Variants in GRID2 observed in about 807,000 individuals in gnomAD.
The protein encoded by GRID2 is glutamate receptor ionotropic, delta-2.
A neutral mutation model predicts 114.8 loss-of-function variants in GRID2; 33 were observed. The observed-to-expected ratio is 0.29, with a 90% CI of 0.22 to 0.38. GRID2 has a LOEUF of 0.38. Among genes scored for constraint, GRID2 ranks in the 10% least tolerant of loss-of-function variants. GRID2 has a pLI of 1.00. For missense variants in GRID2, 1,184 were observed against 1,257.7 expected, an observed-to-expected ratio of 0.94 and a Z score of 0.89; for synonymous variants, 505 against 449.9, an observed-to-expected ratio of 1.12 and a Z score of -1.55.
At chr4:93,683,517 A>G (rs1467358706) in intron 14 of GRID2, among the ~76,000 whole-genome samples, 3 of 152,074 alleles carry the variant, frequency 2.0e-5, no homozygotes, top group African/African-American at 2.4e-5. Flanking sequence ...GTGTTCTGGT[A>G]TTTGCTTAAG....
At chr4:92,541,161 G>C (rs183219664) in intron 1 of GRID2, among the ~76,000 whole-genome samples, 112 of 152,104 alleles carry the variant, frequency 7.4e-4, no homozygotes, top group African/African-American at 2.6e-3. Context: ...GGAGAGGGGG[G>C]AGGGATAGCA....
At chr4:92,592,919 T>G (rs893886981) in intron 2 of GRID2, among the ~76,000 whole-genome samples, 6 of 152,032 alleles carry the variant, frequency 3.9e-5, no homozygotes, top group Non-Finnish European at 7.4e-5. Context: ...TTCTTCAATG[T>G]TTTGAGGAAG....
chr4:92,361,289 A>C (rs544631510), intron 1 of GRID2, among the ~76,000 whole-genome samples: 1 of 152,116 alleles, frequency 6.6e-6, no homozygotes, highest in East Asian at 1.9e-4. Context: ...TTCCTACTAA[A>C]CTCTAAATGG....
chr4:92,872,799 T>G (rs1745367126), intron 2 of GRID2, among the ~76,000 whole-genome samples: 1 of 152,230 alleles, frequency 6.6e-6, no homozygotes, highest in Non-Finnish European at 1.5e-5. Flanking sequence ...GGAAAGAATG[T>G]GTAGGACAAT....
intron 1 of GRID2, among the ~76,000 whole-genome samples, chr4:92,409,057 G>A (rs887267615): frequency 1.3e-5 from 2 of 152,060 alleles, no homozygotes; most frequent in African/African-American, 4.8e-5. Context: ...CAGTTCTCAA[G>A]GGGAATGCCT....
At chr4:93,553,165 G>A (rs573783000) in intron 13 of GRID2, among the ~76,000 whole-genome samples, 4 of 152,272 alleles carry the variant, frequency 2.6e-5, no homozygotes, top group Non-Finnish European at 5.9e-5. Context: ...GGATTCCTGA[G>A]TCAAGTGGTA....
intron 13 of GRID2, among the ~76,000 whole-genome samples, chr4:93,591,213 A>C (rs1481705453): frequency 6.6e-6 from 1 of 151,036 alleles, no homozygotes; most frequent in Non-Finnish European, 1.5e-5. Flanking sequence ...AGCTCTTATT[A>C]TTTTGAAATA....
chr4:92,322,034 A>G (rs1424723091), intron 1 of GRID2, among the ~76,000 whole-genome samples: 1 of 152,204 alleles, frequency 6.6e-6, no homozygotes, highest in Non-Finnish European at 1.5e-5. Flanking sequence ...CTTGCAACTT[A>G]CATGTACTGC....
intron 8 of GRID2, among the ~76,000 whole-genome samples, chr4:93,387,218 G>C (rs188484852): frequency 1.0e-3 from 152 of 152,302 alleles, no homozygotes; most frequent in African/African-American, 3.2e-3. Context: ...TAGATGAAAA[G>C]TATCTAACAT....
chr4:93,556,318 G>A (rs973405489), intron 13 of GRID2, among the ~76,000 whole-genome samples: 2 of 152,158 alleles, frequency 1.3e-5, no homozygotes, highest in African/African-American at 4.8e-5. Context: ...CTGAGCTGAA[G>A]GAACATGTTC....
At chr4:92,676,493 C>T (rs1179284526) in intron 2 of GRID2, among the ~76,000 whole-genome samples, 2 of 151,958 alleles carry the variant, frequency 1.3e-5, no homozygotes, top group African/African-American at 4.8e-5. Flanking sequence ...CCTCTTTTAA[C>T]CTGTAAATTC....
intron 4 of GRID2, among the ~76,000 whole-genome samples, chr4:93,122,249 AAATT>A (rs983461719): frequency 7.0e-4 from 106 of 152,272 alleles, no homozygotes; most frequent in African/African-American, 2.4e-3. Flanking sequence ...AGTTCATCTG[AAATT>A]AATTGTTTTG....
Position 93,394,814 on chromosome 4 carries a change from T to G in GRID2, c.1246-793T>G, listed in dbSNP as rs1431188477. Among the ~76,000 whole-genome samples, 11 of 152,144 alleles carry G rather than the reference T, an allele frequency of 7.2e-5. No individual in the cohort carries two copies. In the South Asian group the frequency reaches 1.9e-3, roughly 26 times the overall value. On this transcript the variant is annotated intron_variant, in intron 8 of 15. Coordinates refer to ENST00000282020, the MANE Select transcript of GRID2 (RefSeq NM_001510.4). ...TGTAGCCTTGTTCTGTAAACAGTTATCTGCTAATTCAAGTCAAATCATCTC... is the reference window on the plus strand; with the variant it reads ...TGTAGCCTTGTTCTGTAAACAGTTAGCTGCTAATTCAAGTCAAATCATCTC...
intron 2 of GRID2, among the ~76,000 whole-genome samples, chr4:92,920,726 C>G (rs948170433): frequency 1.2e-4 from 18 of 152,212 alleles, no homozygotes; most frequent in African/African-American, 4.1e-4. Flanking sequence ...AGCTGTTATT[C>G]TGATGGACTT....
At chr4:92,399,688 T>G (rs1398059629) in intron 1 of GRID2, among the ~76,000 whole-genome samples, 1 of 149,932 alleles carries the variant, frequency 6.7e-6, no homozygotes, top group Non-Finnish European at 1.5e-5. Flanking sequence ...TATATATACA[T>G]ACATGTGTGT....
chr4:93,332,923 A>G (rs1579712705), intron 8 of GRID2, among the ~76,000 whole-genome samples: 1 of 152,148 alleles, frequency 6.6e-6, no homozygotes, highest in Non-Finnish European at 1.5e-5. Flanking sequence ...TGCTGCGATC[A>G]CCACCAGTCA....
chr4:92,699,367 G>A (rs909027397), intron 2 of GRID2, among the ~76,000 whole-genome samples: 12 of 152,118 alleles, frequency 7.9e-5, no homozygotes, highest in Non-Finnish European at 1.5e-4. Context: ...GCTCAATTTT[G>A]AGGACAGATA....
intron 8 of GRID2, among the ~76,000 whole-genome samples, chr4:93,318,438 T>C (rs1756904675): frequency 2.0e-5 from 3 of 152,084 alleles, no homozygotes; most frequent in Non-Finnish European, 4.4e-5. Context: ...TGATATTATA[T>C]AGTTAGTTTC....
intron 1 of GRID2, among the ~76,000 whole-genome samples, chr4:92,490,338 T>C (rs1326402877): frequency 6.6e-6 from 1 of 152,200 alleles, no homozygotes; most frequent in African/African-American, 2.4e-5. Flanking sequence ...TCTTTATTGA[T>C]TTGTAAAACC....
Sources: gnomAD v4.1 joint callset for allele counts (sites outside exome capture counted in the v4.1 genomes callset) on GRCh38, gnomAD v4.1.1 for gene constraint, MANE v1.5 for transcripts, NCBI Gene and HGNC (gene_info 2026-07-23, HGNC 2026-07-21) for gene names.